ATAD2B: variants seen among roughly 807,000 people sequenced by gnomAD.
ATAD2B encodes ATPase family AAA domain-containing protein 2B.
ATAD2B carries 40 observed loss-of-function variants against 167.6 expected under a neutral mutation model. The ratio of observed to expected loss-of-function variants is 0.24; its 90% CI spans 0.19 to 0.31. The LOEUF is 0.31. Ranked by LOEUF, ATAD2B falls within the 10% of genes least tolerant of loss-of-function variation. The pLI, the probability that ATAD2B is intolerant of heterozygous loss-of-function variation, is 1.00. For missense variants in ATAD2B, 1,242 were observed against 1,757.2 expected (o/e 0.71, Z 5.24); for synonymous variants, 579 against 596.5 (o/e 0.97, Z 0.43).
chr2:23,710,929 T>C, the ATAD2B span, among the ~76,000 whole-genome samples: 1 of 152,202 alleles, frequency 6.6e-6, no homozygotes, highest in South Asian at 2.1e-4. Flanking sequence ...ATGACCGTCA[T>C]AATAACTTGC....
chr2:23,814,443 T>C (rs1212609915), intron 17 of ATAD2B, among the ~76,000 whole-genome samples: 1 of 152,156 alleles, frequency 6.6e-6, no homozygotes, highest in Admixed American at 6.5e-5. Flanking sequence ...TACACAGTGC[T>C]ATGGAAGATA....
the ATAD2B span, among the ~76,000 whole-genome samples, chr2:23,694,791 C>A: frequency 1.3e-5 from 2 of 152,218 alleles, no homozygotes; most frequent in African/African-American, 4.8e-5. Flanking sequence ...TTGTATACCC[C>A]ATCCAGATGC....
At position 23,908,385 on chromosome 2, in the gene ATAD2B, A is replaced by C. The variant is rs1336100084; in HGVS notation, c.217-12415T>G. ...TATGCAGCCAAAAAACACGTGAAAA[A>C]ATGCTCACCATCACTGGCCATCAGA... On this transcript the variant is annotated intron_variant, in intron 1 of 27. Transcript: ENST00000238789. 2.0e-5 allele frequency among the ~76,000 whole-genome samples: 3 copies of C among 152,230 alleles called. No homozygotes were observed. In the East Asian group the frequency reaches 5.8e-4, roughly 29 times the overall value.
chr2:23,699,513 C>T, the ATAD2B span, among the ~76,000 whole-genome samples: 80,363 of 152,034 alleles, frequency 0.53, 22,102 homozygotes, highest in East Asian at 0.79. Flanking sequence ...CCTCAAACAT[C>T]CCAGTGACCT....
intron 2 of ATAD2B, among the ~76,000 whole-genome samples, chr2:23,890,320 C>CG (rs1300039516): frequency 6.6e-6 from 1 of 151,970 alleles, no homozygotes; most frequent in African/African-American, 2.4e-5. Flanking sequence ...ATCTAGCCCC[C>CG]CCGCCTTTCC....
At chr2:23,736,049 C>A in the ATAD2B span, among the ~76,000 whole-genome samples, 1 of 152,186 alleles carries the variant, frequency 6.6e-6, no homozygotes, top group Non-Finnish European at 1.5e-5. Context: ...TAACACAACA[C>A]TAAGCATTCC....
intron 19 of ATAD2B, among the ~76,000 whole-genome samples, chr2:23,796,081 A>T (rs1682575630): frequency 1.3e-5 from 2 of 152,310 alleles, no homozygotes; most frequent in Non-Finnish European, 2.9e-5. Context: ...AAAGTAAGTA[A>T]ACAAATAAAA....
the ATAD2B span, among the ~76,000 whole-genome samples, chr2:23,743,601 G>C: frequency 6.6e-6 from 1 of 151,764 alleles, no homozygotes; most frequent in African/African-American, 2.4e-5. Flanking sequence ...TGGATTGCTG[G>C]GGATGAACTG....
chr2:23,760,769 C>CATACACACACACACACA (rs74313352), intron 24 of ATAD2B, among the ~76,000 whole-genome samples: 1 of 54,368 alleles, frequency 1.8e-5, no homozygotes, highest in Non-Finnish European at 4.4e-5. Flanking sequence ...CACACACACA[C>CATACACACACACACACA]ACCACTTCCT....
At chr2:23,903,941 G>GTT (rs1242648554) in intron 1 of ATAD2B, among the ~76,000 whole-genome samples, 1 of 130,766 alleles carries the variant, frequency 7.6e-6, no homozygotes, top group East Asian at 2.1e-4. Flanking sequence ...GGTTGTTGTT[G>GTT]GTGGTGGTGG....
intron 1 of ATAD2B, among the ~76,000 whole-genome samples, chr2:23,914,411 C>T (rs1702726923): frequency 6.6e-6 from 1 of 151,856 alleles, no homozygotes. Flanking sequence ...TGGGCAAAAA[C>T]AAATCTTAAC....
At chr2:23,701,492 T>C in the ATAD2B span, among the ~76,000 whole-genome samples, 87 of 152,252 alleles carry the variant, frequency 5.7e-4, no homozygotes, top group African/African-American at 2.1e-3. Flanking sequence ...GTGGGAGGAT[T>C]GCTTAAGCTC....
At chr2:23,869,612 C>T in intron 9 of ATAD2B, 51 bp downstream of exon 9, 7 of 1,327,498 alleles carry the variant, frequency 5.3e-6, no homozygotes, top group African/African-American at 1.5e-5. Context: ...TCAAAAAAAA[C>T]TTATTTTTCC....
chr2:23,798,615 T>C (rs1389213454), intron 18 of ATAD2B, among the ~76,000 whole-genome samples: 1 of 152,004 alleles, frequency 6.6e-6, no homozygotes, highest in East Asian at 1.9e-4. Context: ...GCTCCACTTA[T>C]CTAGCATGTA....
rs972940918 is a variant in ATAD2B, at chr2:23,829,627, C to T, written c.1729-688G>A. ...TTAATTAATTGGGCATGGTGGTGCA[C>T]GCCTGTGGTCCCAGGTACTCAGGAA... On this transcript the variant is annotated intron_variant, in intron 14 of 27. Coordinates refer to ENST00000238789, the MANE Select transcript of ATAD2B (RefSeq NM_017552.4). Among the ~76,000 whole-genome samples, 8 of 152,136 alleles carry T rather than the reference C, an allele frequency of 5.3e-5. 1 individual carries two copies. The highest frequency in any genetic ancestry group is 3.9e-4 in the Admixed American group (6 of 15,272).
At chr2:23,854,760 C>T (rs2712099) in intron 13 of ATAD2B, among the ~76,000 whole-genome samples, 9,821 of 151,378 alleles carry the variant, frequency 0.065, 406 homozygotes, top group African/African-American at 0.12. Flanking sequence ...ATTTAGGCAA[C>T]TTTTCTCAAG....
chr2:23,845,565 C>G (rs1469314017), intron 13 of ATAD2B, among the ~76,000 whole-genome samples: 6 of 139,348 alleles, frequency 4.3e-5, no homozygotes, highest in African/African-American at 1.6e-4. Context: ...AATGGGCATG[C>G]TGGAATTTTT....
At chr2:23,778,040 G>GT (rs1679429756) in intron 22 of ATAD2B, among the ~76,000 whole-genome samples, 1 of 151,968 alleles carries the variant, frequency 6.6e-6, no homozygotes, top group Non-Finnish European at 1.5e-5. Flanking sequence ...ACTTGTAAAC[G>GT]TAATACAACA....
At chr2:23,713,885 T>C in the ATAD2B span, among the ~76,000 whole-genome samples, 3 of 152,240 alleles carry the variant, frequency 2.0e-5, no homozygotes, top group Non-Finnish European at 2.9e-5. Flanking sequence ...TTATTAATAA[T>C]GCTGCTATGA....
Sources: gnomAD v4.1 joint callset for allele counts (sites outside exome capture counted in the v4.1 genomes callset) on GRCh38, gnomAD v4.1.1 for gene constraint, MANE v1.5 for transcripts, NCBI Gene and HGNC (gene_info 2026-07-23, HGNC 2026-07-21) for gene names.